NOMO2: variants seen among roughly 807,000 people sequenced by gnomAD.
NOMO2 encodes the protein BOS complex subunit NOMO2.
NOMO2 carries 14 observed loss-of-function variants against 67.1 expected under a neutral mutation model. The ratio of observed to expected loss-of-function variants is 0.21; its 90% confidence interval spans 0.14 to 0.33. The LOEUF (loss-of-function observed/expected upper bound fraction) is 0.33, where lower values mean the gene tolerates loss of function less well. Among genes scored for constraint, NOMO2 ranks in the 10% least tolerant of loss-of-function variants. NOMO2 has a pLI of 1.00. For missense variants in NOMO2, 178 were observed against 761.0 expected, an observed-to-expected ratio of 0.23 and a Z score of 9.01; for synonymous variants, 80 against 305.9, an observed-to-expected ratio of 0.26 and a Z score of 7.71.
chr16:18,550,930 G>T (rs1416657356), intron 4 of NOMO2, among the ~76,000 whole-genome samples: 5 of 151,906 alleles, frequency 3.3e-5, no homozygotes, highest in African/African-American at 1.2e-4. Flanking sequence ...GGTGGAGGCA[G>T]GCGGATCACC....
At chr16:18,549,278 T>C (rs1236674168) in intron 5 of NOMO2, among the ~76,000 whole-genome samples, 51 of 149,872 alleles carry the variant, frequency 3.4e-4, no homozygotes, top group Non-Finnish European at 3.7e-4. Flanking sequence ...CGCAAGCCAA[T>C]ATGCCTGGCC....
intron 14 of NOMO2, among the ~76,000 whole-genome samples, 162 bp downstream of exon 14, chr16:18,530,875 T>A (rs1901279930): frequency 2.1e-5 from 2 of 96,720 alleles, no homozygotes; most frequent in Admixed American, 2.3e-4. Context: ...GACTCCTCCA[T>A]GCTTGTCCAA....
intron 2 of NOMO2, among the ~76,000 whole-genome samples, chr16:18,556,997 G>C (rs1262426128): frequency 6.6e-6 from 1 of 152,006 alleles, no homozygotes; most frequent in Non-Finnish European, 1.5e-5. Context: ...TGTAGTGGCA[G>C]GTGCCTGTAA....
intron 3 of NOMO2, among the ~76,000 whole-genome samples, chr16:18,554,416 A>G (rs1821650429): frequency 6.6e-6 from 1 of 151,938 alleles, no homozygotes; most frequent in South Asian, 2.1e-4. Flanking sequence ...AAATCTCACA[A>G]TCTTTAAATG....
Position 18,557,690 on chromosome 16 carries a change from G to A in NOMO2, c.255+12C>T. ...GACTTCCCATCATAAGTGACAAGCA[G>A]TCCCCTCTTACCTTATCATACAAAG... On this transcript the variant is annotated intron_variant, in intron 2 of 30. Transcript: ENST00000622306. 2 of 1,611,210 alleles carry A rather than the reference G, an allele frequency of 1.2e-6. No homozygotes were observed. The highest frequency in any genetic ancestry group is 1.7e-6 in the Non-Finnish European group (2 of 1,179,300).
At chr16:18,546,278 C>CAAAAAAAAA (rs71388802) in intron 6 of NOMO2, among the ~76,000 whole-genome samples, 1 of 17,942 alleles carries the variant, frequency 5.6e-5, no homozygotes, top group African/African-American at 2.0e-4. Flanking sequence ...GACCCTGTTG[C>CAAAAAAAAA]AAAAAAAAAA....
chr16:18,556,761 C>T (rs1477722609), intron 2 of NOMO2, among the ~76,000 whole-genome samples: 2 of 152,068 alleles, frequency 1.3e-5, no homozygotes, highest in Admixed American at 1.3e-4. Context: ...TCCATGTATA[C>T]ATATGCATGT....
chr16:18,561,817 C>G, intron 1 of NOMO2, 59 bp downstream of exon 1: 1 of 1,518,992 alleles, frequency 6.6e-7, no homozygotes, highest in Non-Finnish European at 8.8e-7. Context: ...CAGCGCGGCC[C>G]AGAGAGGCTG....
At chr16:18,552,952 A>T (rs1013695890) in intron 3 of NOMO2, among the ~76,000 whole-genome samples, 2 of 152,088 alleles carry the variant, frequency 1.3e-5, no homozygotes, top group African/African-American at 4.8e-5. Context: ...ACAGTAGAAG[A>T]GATCACTGAT....
chr16:18,537,032 G>A (rs952517846), intron 11 of NOMO2, among the ~76,000 whole-genome samples: 5 of 151,950 alleles, frequency 3.3e-5, no homozygotes, highest in African/African-American at 1.2e-4. Flanking sequence ...CGCTCCCTAG[G>A]TCCCCCCTGG....
intron 15 of NOMO2, chr16:18,528,167 G>A (rs1298820624): frequency 4.6e-6 from 2 of 438,078 alleles, no homozygotes; most frequent in Non-Finnish European, 9.2e-6. Context: ...CGAGGAGGGA[G>A]TGAGCTTGGT....
rs114170833 is a variant in NOMO2, at chr16:18,560,587, A to G, written c.165+1289T>C. ...GCCCTGCCGCTGCCAGTGGGTATTC[A>G]TTCAATGCCTGACCTCTGACCTCTT... On this transcript the variant is annotated intron_variant, in intron 1 of 30. Transcript: ENST00000622306. 9.5e-3 allele frequency among the ~76,000 whole-genome samples: 1,441 copies of G among 151,904 alleles called. 37 individuals are homozygous for G. Among genetic ancestry groups the G allele is most frequent in the African/African-American group, 0.033 (1,354 of 41,362 alleles).
chr16:18,526,421 G>A lies in NOMO2; in HGVS notation c.1894+1116C>T, dbSNP rs752616105. Among the ~76,000 whole-genome samples the A allele has an allele frequency of 3.0e-4, 46 of 152,068 alleles. 1 individual carries two copies. The highest frequency in any genetic ancestry group is 3.9e-4 in the Admixed American group (6 of 15,254). ...TGCAGCAATTCCATTCCTAGGTATC[G>A]AAACAAGAAAAATGAAAACATACGG... On this transcript the variant is annotated intron_variant, in intron 16 of 30. Coordinates refer to ENST00000622306, the MANE Select transcript of NOMO2 (RefSeq NM_173614.4).
chr16:18,556,842 A>C (rs2141758483), intron 2 of NOMO2, among the ~76,000 whole-genome samples: 1 of 152,154 alleles, frequency 6.6e-6, no homozygotes, highest in Non-Finnish European at 1.5e-5. Flanking sequence ...ATTTTATAAG[A>C]GGGCCGGAAA....
At chr16:18,535,211 G>C (rs1325195150) in intron 11 of NOMO2, among the ~76,000 whole-genome samples, 2 of 146,478 alleles carry the variant, frequency 1.4e-5, no homozygotes, top group Non-Finnish European at 3.0e-5. Context: ...CAGCTACTCA[G>C]GAGGCTGGGG....
intron 5 of NOMO2, among the ~76,000 whole-genome samples, chr16:18,547,765 G>A (rs989886237): frequency 2.0e-5 from 3 of 151,544 alleles, no homozygotes; most frequent in African/African-American, 7.3e-5. Context: ...CCAAGATGAT[G>A]CAAATGACAC....
intron 15 of NOMO2, among the ~76,000 whole-genome samples, chr16:18,528,734 C>A (rs1165815866): frequency 6.6e-6 from 1 of 151,386 alleles, no homozygotes; most frequent in Admixed American, 6.6e-5. Context: ...ACAGGTGGAT[C>A]CCCTGAGGTC....
At chr16:18,560,812 C>T (rs1282664972) in intron 1 of NOMO2, among the ~76,000 whole-genome samples, 1 of 151,664 alleles carries the variant, frequency 6.6e-6, no homozygotes, top group Non-Finnish European at 1.5e-5. Flanking sequence ...TCCTCAGCAG[C>T]CCGCTTTGCA....
In NOMO2 at chr16:18,529,506, T is replaced by TA. The variant is rs1901244779; in HGVS notation, c.1800_1801insT (p.Thr601TyrfsTer12). The TA allele has an allele frequency of 6.2e-7, 1 of 1,610,608 alleles. No homozygotes were observed. The highest frequency in any genetic ancestry group is 8.5e-7 in the Non-Finnish European group (1 of 1,179,522). On this transcript the variant is annotated frameshift_variant, in exon 15 of 31. Transcript: ENST00000622306. LOFTEE classifies it high-confidence loss of function. ...ACTCCATAAGCCGTACATACCAGAG[T>TA]GATGGCGTGAGACAGGGAACATCTC...
Sources: gnomAD v4.1 joint callset for allele counts (sites outside exome capture counted in the v4.1 genomes callset) on GRCh38, gnomAD v4.1.1 for gene constraint, MANE v1.5 for transcripts, NCBI Gene and HGNC (gene_info 2026-07-23, HGNC 2026-07-21) for gene names.